Variants in DOP1B observed in about 807,000 individuals in gnomAD.
DOP1B encodes the protein protein DOP1B.
Under a neutral mutation model 233.5 loss-of-function variants are expected in DOP1B, and 174 were observed. The observed-to-expected ratio is 0.75, with a 90% CI of 0.66 to 0.85. The LOEUF (loss-of-function observed/expected upper bound fraction) is 0.85, where lower values mean the gene tolerates loss of function less well. DOP1B is among the 40% of genes least tolerant of loss of function. The pLI is 0.00. For missense variants in DOP1B, 2,652 were observed against 2,846.6 expected (o/e 0.93, Z 1.56); for synonymous variants, 1,190 against 1,185.6 (o/e 1.00, Z -0.08).
intron 27 of DOP1B, among the ~76,000 whole-genome samples, chr21:36,271,902 G>A (rs2067293443): frequency 6.6e-6 from 1 of 151,646 alleles, no homozygotes; most frequent in Admixed American, 6.6e-5. Flanking sequence ...GGAGGCTGAG[G>A]TGGGCGGGTC....
At chr21:36,164,462 C>T (rs757744243) in intron 1 of DOP1B, 30 of 243,168 alleles carry the variant, frequency 1.2e-4, no homozygotes, top group Admixed American at 1.7e-4. Context: ...ACTTGGAGCC[C>T]TAGCACTTCT....
In DOP1B at chr21:36,288,823, A is replaced by G. The variant is rs1343454554; in HGVS notation, c.6353+12A>G. 6.2e-7 allele frequency: 1 copy of G among 1,607,082 alleles called. No individual in the cohort carries two copies. The highest frequency in any genetic ancestry group is 8.5e-7 in the Non-Finnish European group (1 of 1,173,852). On this transcript the variant is annotated intron_variant, in intron 34 of 36. Transcript: ENST00000691173. Reference sequence around the variant, plus strand: ...GATGAGTCATTGAGGTAAGCAGTACAAGATCTGTACACAAGAGGAAAAGAT... The same window carrying G: ...GATGAGTCATTGAGGTAAGCAGTACGAGATCTGTACACAAGAGGAAAAGAT...
intron 24 of DOP1B, chr21:36,260,999 G>A: frequency 8.3e-7 from 1 of 1,199,250 alleles, no homozygotes; most frequent in Non-Finnish European, 1.0e-6. Context: ...TAAAAGGCTT[G>A]GATTTGCATT....
chr21:36,287,930 C>T, intron 32 of DOP1B, 84 bp from the exon 33 acceptor site: 1 of 1,495,824 alleles, frequency 6.7e-7, no homozygotes, highest in Non-Finnish European at 9.0e-7. Flanking sequence ...AATGTCAGAA[C>T]AGTCACAGTT....
At chr21:36,288,645 C>G (rs186911292) in intron 33 of DOP1B, 111 bp from the exon 34 acceptor site, 10 of 796,980 alleles carry the variant, frequency 1.3e-5, no homozygotes, top group Admixed American at 2.5e-5. Context: ...AGTAAGACCC[C>G]GTCTTATTCA....
At chr21:36,224,106 CATATT>C (rs1483898735) in intron 11 of DOP1B, among the ~76,000 whole-genome samples, 1 of 152,088 alleles carries the variant, frequency 6.6e-6, no homozygotes, top group Non-Finnish European at 1.5e-5. Context: ...ACAGCAAGGC[CATATT>C]ATATTGAGGT....
rs372787223 is a variant in DOP1B at position 36,281,431 on chromosome 21, C to T, written c.6032-52C>T. The T allele has an allele frequency of 5.7e-4, 871 of 1,519,690 alleles. 1 individual carries two copies. Among genetic ancestry groups the T allele is most frequent in the Non-Finnish European group, 7.3e-4 (819 of 1,120,056 alleles). The allele number at this position is 1,519,690 out of a possible 1,614,324, so 94.1% of individuals were successfully genotyped here. On this transcript the variant is annotated intron_variant, in intron 31 of 36. Coordinates refer to ENST00000691173, the MANE Select transcript of DOP1B (RefSeq NM_001320714.2). ...CACTAGTATGAATTTCCCATCACTT[C>T]CCTCCAATTGTGGTTTTCTCACTAA...
At chr21:36,157,260 G>T (rs1051423011) in intron 1 of DOP1B, among the ~76,000 whole-genome samples, 37 of 152,262 alleles carry the variant, frequency 2.4e-4, no homozygotes, top group African/African-American at 8.4e-4. Flanking sequence ...CGCCGAGCGG[G>T]GCGGCAGGTG....
At chr21:36,257,687 G>C (rs573532173) in intron 23 of DOP1B, among the ~76,000 whole-genome samples, 1 of 146,634 alleles carries the variant, frequency 6.8e-6, no homozygotes, top group African/African-American at 2.5e-5. Context: ...GGTAGATGTA[G>C]GTAGGTAGGT....
chr21:36,200,387 T>C lies in DOP1B; in HGVS notation c.377T>C (p.Leu126Pro). 1 of 1,613,640 alleles carries C rather than the reference T, an allele frequency of 6.2e-7. No homozygotes were observed. Among genetic ancestry groups the C allele is most frequent in the Non-Finnish European group, 8.5e-7 (1 of 1,179,978 alleles). Residue 126 changes from leucine (L) to proline (P), a missense_variant, in exon 4 of 37, where the codon CTC becomes CCC. Leu to Pro is a moderately conservative substitution (Grantham distance 98). Around this residue, in one of 3 missense-constraint regions of DOP1B, gnomAD observed 2,617 missense variants for 2,794.3 expected, o/e 0.94. Transcript: ENST00000691173. ...HAAVSVRPVL[L>P]TLYEKYFLPL... ...GCGGTGTCGGTGAGGCCGGTGCTGC[T>C]CACCCTGTACGAGAAGTACTTCCTC...
chr21:36,248,162 T>G (rs2066990902), intron 20 of DOP1B, among the ~76,000 whole-genome samples: 1 of 152,188 alleles, frequency 6.6e-6, no homozygotes, highest in Non-Finnish European at 1.5e-5. Flanking sequence ...GTTGAAAAGT[T>G]TGTAATTTAG....
intron 2 of DOP1B, among the ~76,000 whole-genome samples, chr21:36,170,863 G>T (rs146045656): frequency 6.6e-5 from 10 of 151,676 alleles, no homozygotes; most frequent in Non-Finnish European, 1.2e-4. Flanking sequence ...CATCCCAAGG[G>T]TCTCCTCTTG....
intron 2 of DOP1B, among the ~76,000 whole-genome samples, chr21:36,170,943 A>C (rs2065966885): frequency 6.6e-6 from 1 of 152,192 alleles, no homozygotes; most frequent in Non-Finnish European, 1.5e-5. Context: ...AAGAATTTGC[A>C]AGATACGGTT....
chr21:36,176,775 A>G (rs1351704781), intron 2 of DOP1B, among the ~76,000 whole-genome samples: 1 of 152,058 alleles, frequency 6.6e-6, no homozygotes, highest in Admixed American at 6.6e-5. Flanking sequence ...TGGCACCAGT[A>G]TTTAGAAGAT....
intron 32 of DOP1B, among the ~76,000 whole-genome samples, chr21:36,286,288 T>C (rs1391907609): frequency 6.6e-6 from 1 of 152,076 alleles, no homozygotes; most frequent in Non-Finnish European, 1.5e-5. Context: ...TAACACTGCA[T>C]ATGTACTGGG....
intron 26 of DOP1B, among the ~76,000 whole-genome samples, chr21:36,266,228 G>A (rs970949681): frequency 2.0e-5 from 3 of 152,176 alleles, no homozygotes; most frequent in South Asian, 2.1e-4. Context: ...CCAAGCTGGA[G>A]TGCAATGGCA....
chr21:36,170,801 CAAA>C (rs750146188), intron 2 of DOP1B, among the ~76,000 whole-genome samples: 5 of 117,672 alleles, frequency 4.2e-5, no homozygotes, highest in Non-Finnish European at 1.8e-5. Flanking sequence ...AACCCTGTTT[CAAA>C]AAAAAAAAAA....
chr21:36,214,676 T>A, intron 9 of DOP1B, 120 bp downstream of exon 9: 1 of 949,354 alleles, frequency 1.1e-6, no homozygotes, highest in Non-Finnish European at 1.6e-6. Flanking sequence ...TATTTGGAAT[T>A]TCACAACTTT....
chr21:36,202,704 CAAA>C (rs2066382647), intron 4 of DOP1B, among the ~76,000 whole-genome samples: 1 of 152,194 alleles, frequency 6.6e-6, no homozygotes, highest in Non-Finnish European at 1.5e-5. Context: ...CTCCATTTCC[CAAA>C]GGAGAATCCA....
Sources: allele counts gnomAD v4.1 joint callset (sites outside exome capture counted in the v4.1 genomes callset), GRCh38; gene constraint gnomAD v4.1.1; regional missense constraint gnomAD v4.1.1; transcripts MANE v1.5; gene names NCBI Gene and HGNC (gene_info 2026-07-23, HGNC 2026-07-21).